Variants in CNTNAP2 observed in about 807,000 individuals in gnomAD.
CNTNAP2 encodes contactin associated protein 2.
Under a neutral mutation model 155.2 loss-of-function variants are expected in CNTNAP2, and 98 were observed. The ratio of observed to expected loss-of-function variants is 0.63; its 90% confidence interval spans 0.54 to 0.75. The LOEUF is 0.75. Among genes scored for constraint, CNTNAP2 ranks in the 30% least tolerant of loss-of-function variants. The probability of loss-of-function intolerance (pLI) is 0.00; values close to 1 mark genes in which losing one functional copy is unlikely to be tolerated. For missense variants in CNTNAP2, 1,727 were observed against 1,688.1 expected (o/e 1.02, Z -0.40); for synonymous variants, 651 against 631.2 (o/e 1.03, Z -0.47).
chr7:147,494,486 A>AAAAAAG, intron 11 of CNTNAP2, among the ~76,000 whole-genome samples: 1 of 149,490 alleles, frequency 6.7e-6, no homozygotes, highest in African/African-American at 2.5e-5. Context: ...AAAAAAAAAA[A>AAAAAAG]GTTGATCTGC....
chr7:146,887,615 G>A (rs1303965664), intron 3 of CNTNAP2, among the ~76,000 whole-genome samples: 1 of 151,484 alleles, frequency 6.6e-6, no homozygotes, highest in African/African-American at 2.4e-5. Context: ...ATTTCTTTCA[G>A]TAAGAAATTT....
chr7:146,422,219 G>C (rs574799254), intron 1 of CNTNAP2, among the ~76,000 whole-genome samples: 1 of 150,868 alleles, frequency 6.6e-6, no homozygotes, highest in East Asian at 1.9e-4. Flanking sequence ...TACCTATGGA[G>C]GTTACTTTAT....
intron 8 of CNTNAP2, among the ~76,000 whole-genome samples, chr7:147,157,606 G>A (rs568304002): frequency 6.6e-6 from 1 of 152,042 alleles, no homozygotes; most frequent in East Asian, 1.9e-4. Flanking sequence ...CTGTGCAATG[G>A]TATTATATTT....
intron 1 of CNTNAP2, among the ~76,000 whole-genome samples, chr7:146,625,275 C>T (rs1387839638): frequency 6.6e-6 from 1 of 151,668 alleles, no homozygotes; most frequent in Admixed American, 6.6e-5. Flanking sequence ...AAATTAAGGA[C>T]ATGAGACAAG....
intron 13 of CNTNAP2, among the ~76,000 whole-genome samples, chr7:147,656,278 A>C (rs1037657687): frequency 1.3e-5 from 2 of 152,190 alleles, no homozygotes; most frequent in African/African-American, 4.8e-5. Flanking sequence ...TAGCACTTTC[A>C]ATTGCCTTTG....
At chr7:147,438,602 T>C (rs866107571) in intron 10 of CNTNAP2, among the ~76,000 whole-genome samples, 2 of 152,136 alleles carry the variant, frequency 1.3e-5, no homozygotes, top group Middle Eastern at 6.8e-3. Context: ...ACTGGCATGA[T>C]ACAGTGATTT....
chr7:146,577,148 T>C (rs1182977757), intron 1 of CNTNAP2, among the ~76,000 whole-genome samples: 1 of 152,128 alleles, frequency 6.6e-6, no homozygotes, highest in Non-Finnish European at 1.5e-5. Flanking sequence ...GTGAAGACTA[T>C]GGAAGGAATT....
chr7:146,515,833 A>G (rs982069880), intron 1 of CNTNAP2, among the ~76,000 whole-genome samples: 1 of 152,054 alleles, frequency 6.6e-6, no homozygotes, highest in Admixed American at 6.6e-5. Context: ...TCATTGTCCA[A>G]GAAATCCAGA....
At chr7:148,281,844 T>TTTC (rs2116462313) in intron 21 of CNTNAP2, among the ~76,000 whole-genome samples, 1 of 111,306 alleles carries the variant, frequency 9.0e-6, no homozygotes, top group South Asian at 2.6e-4. Flanking sequence ...CCTTTTTTTT[T>TTTC]TTTTTTTTTT....
At chr7:146,745,564 C>T (rs1010381247) in intron 1 of CNTNAP2, among the ~76,000 whole-genome samples, 4 of 151,902 alleles carry the variant, frequency 2.6e-5, no homozygotes, top group African/African-American at 4.8e-5. Context: ...GCCAGGAGAT[C>T]GAGACCATCC....
rs1409753346 is a variant in CNTNAP2 at position 147,096,723 on chromosome 7, AT to A, written c.551-11421del. Among the ~76,000 whole-genome samples the A allele has an allele frequency of 5.3e-5, 8 of 152,314 alleles. No homozygotes were observed. The East Asian group carries it at 1.4e-3, about 26-fold the overall frequency. On this transcript the variant is annotated intron_variant, in intron 4 of 23. Coordinates refer to ENST00000361727, the MANE Select transcript of CNTNAP2 (RefSeq NM_014141.6). ...GCCACAAGTTGTGTAAGTACTGCTCATTTATGAAAATAAATTAATTCAACCT... is the reference window on the plus strand; with the variant it reads ...GCCACAAGTTGTGTAAGTACTGCTCATTATGAAAATAAATTAATTCAACCT...
intron 3 of CNTNAP2, among the ~76,000 whole-genome samples, chr7:146,933,031 C>G (rs1175849697): frequency 4.6e-5 from 7 of 152,106 alleles, no homozygotes; most frequent in Admixed American, 3.9e-4. Context: ...TTTATAGATT[C>G]AATGCCATCC....
chr7:146,900,829 C>G (rs1795977035), intron 3 of CNTNAP2, among the ~76,000 whole-genome samples: 1 of 152,128 alleles, frequency 6.6e-6, no homozygotes, highest in Admixed American at 6.5e-5. Flanking sequence ...TCTACCTGCA[C>G]CGAGTCTCTT....
intron 8 of CNTNAP2, among the ~76,000 whole-genome samples, chr7:147,247,225 T>C (rs932769183): frequency 2.0e-5 from 3 of 152,240 alleles, no homozygotes; most frequent in Admixed American, 2.0e-4. Flanking sequence ...TCGGGGTTCT[T>C]AGTAATACAA....
At chr7:146,928,624 A>G (rs1431913247) in intron 3 of CNTNAP2, among the ~76,000 whole-genome samples, 6 of 152,222 alleles carry the variant, frequency 3.9e-5, no homozygotes, top group Non-Finnish European at 8.8e-5. Flanking sequence ...GAGCCGAAGC[A>G]GGGCGAGGCA....
intron 1 of CNTNAP2, among the ~76,000 whole-genome samples, chr7:146,606,967 C>T (rs796754340): frequency 1.3e-5 from 2 of 152,222 alleles, no homozygotes; most frequent in African/African-American, 4.8e-5. Context: ...TACAGCAGAA[C>T]AGTTTGTCCC....
chr7:146,462,198 G>A (rs1347922885), intron 1 of CNTNAP2, among the ~76,000 whole-genome samples: 3 of 152,132 alleles, frequency 2.0e-5, no homozygotes, highest in Admixed American at 6.5e-5. Flanking sequence ...ATACTTCTTG[G>A]TGTGTAGCAC....
At chr7:146,222,901 C>T (rs913825953) in intron 1 of CNTNAP2, among the ~76,000 whole-genome samples, 8 of 151,870 alleles carry the variant, frequency 5.3e-5, no homozygotes, top group South Asian at 2.1e-4. Flanking sequence ...CCTCATGATC[C>T]GCCCGCCTCG....
intron 9 of CNTNAP2, among the ~76,000 whole-genome samples, chr7:147,311,123 G>T (rs564732539): frequency 2.6e-5 from 4 of 152,230 alleles, no homozygotes; most frequent in Non-Finnish European, 4.4e-5. Context: ...ACTTCGCAGG[G>T]TTCTTTTGCT....
Sources: gnomAD v4.1 joint callset for allele counts (sites outside exome capture counted in the v4.1 genomes callset) on GRCh38, gnomAD v4.1.1 for gene constraint, MANE v1.5 for transcripts, NCBI Gene and HGNC (gene_info 2026-07-23, HGNC 2026-07-21) for gene names.